The following FKBP8 variants were observed in gnomAD, a reference collection of about 807,000 sequenced individuals.
FKBP8 encodes the protein peptidyl-prolyl cis-trans isomerase FKBP8.
FKBP8 carries 5 observed loss-of-function variants against 41.7 expected under a neutral mutation model. The ratio of observed to expected loss-of-function variants is 0.12; its 90% CI spans 0.06 to 0.25. FKBP8 has a LOEUF of 0.25. Among genes scored for constraint, FKBP8 ranks in the 10% least tolerant of loss-of-function variants. The probability of loss-of-function intolerance (pLI) is 1.00; values close to 1 mark genes in which losing one functional copy is unlikely to be tolerated. For synonymous variants in FKBP8, 279 were observed against 254.5 expected, an observed-to-expected ratio of 1.10 and a Z score of -0.92; for missense variants, 397 against 563.0, an observed-to-expected ratio of 0.71 and a Z score of 2.98.
At chr19:18,532,880 T>G (rs752645347) in intron 7 of FKBP8, 85 bp from the exon 8 acceptor site, 366 of 1,558,720 alleles carry the variant, frequency 2.3e-4, no homozygotes, top group Non-Finnish European at 3.0e-4. Flanking sequence ...CTAGGCTGTT[T>G]GGGTGGTGGG....
chr19:18,536,308 G>C (rs1457716836), intron 6 of FKBP8: 1 of 152,168 alleles, frequency 6.6e-6, no homozygotes, highest in East Asian at 1.9e-4. Context: ...TGAAGGTCAA[G>C]TCTGTGCAAG....
In FKBP8 at chr19:18,539,576, G is replaced by C; in HGVS notation, c.437C>G (p.Thr146Ser). The change falls in exon 3 of 9, where the codon ACT becomes AGT. Residue 146 changes from threonine to serine, a missense_variant. Thr to Ser is a moderately conservative substitution (Grantham distance 58). This residue lies in a region of FKBP8 where 172 missense variants were observed against 196.2 expected (regional missense o/e 0.88). Transcript: ENST00000608443. The part of the protein sequence containing the change: ...RVQEEPELVF[T>S]LGDCDVIQAL... ...CTGGATGACGTCACAGTCACCCAGAGTGAACACCAGCTCCGGCTCCTCCTG... is the reference window on the plus strand; with the variant it reads ...CTGGATGACGTCACAGTCACCCAGACTGAACACCAGCTCCGGCTCCTCCTG... 1 of 1,613,268 alleles carries C rather than the reference G, an allele frequency of 6.2e-7. No individual in the cohort carries two copies. The highest frequency in any genetic ancestry group is 8.5e-7 in the Non-Finnish European group (1 of 1,180,028).
At position 18,533,320 on chromosome 19, in the gene FKBP8, C is replaced by T. The variant is rs1007979517; in HGVS notation, c.973G>A (p.Glu325Lys). The change falls in exon 7 of 9, where the codon GAG (glutamate) becomes AAG (lysine). Residue 325 changes from glutamate (E) to lysine (K), a missense_variant. Physicochemically the swap from Glu to Lys is moderately conservative, Grantham distance 56 (BLOSUM62 1). Coordinates refer to ENST00000608443, the MANE Select transcript of FKBP8 (RefSeq NM_012181.5). ...KVLAQQGEYS[E>K]AIPILRAALK... ...GCTGCCCTCAGGATGGGGATGGCCT[C>T]ACTGTACTCCCCCTGCTGGGCCAGC... 1 of 1,606,530 alleles carries T rather than the reference C, an allele frequency of 6.2e-7. No individual in the cohort carries two copies. Among genetic ancestry groups the T allele is most frequent in the Non-Finnish European group, 8.5e-7 (1 of 1,176,738 alleles).
At position 18,532,723 on chromosome 19, in the gene FKBP8, G is replaced by T; in HGVS notation, c.1096C>A (p.Arg366=). The part of the protein sequence containing the change: ...AQRSTETALY[R]KMLGNPSRLP... ...CGGCTGGGGTTGCCCAGCATTTTCCGGTACAAGGCGGTCTCCGTGCTCCGC... is the reference window on the plus strand; with the variant it reads ...CGGCTGGGGTTGCCCAGCATTTTCCTGTACAAGGCGGTCTCCGTGCTCCGC... The change falls in exon 8 of 9, where the codon CGG becomes AGG. Residue 366 remains arginine, a synonymous_variant. Coordinates refer to ENST00000608443, the MANE Select transcript of FKBP8 (RefSeq NM_012181.5). 6.2e-7 allele frequency: 1 copy of T among 1,614,134 alleles called. No homozygotes were observed. Among genetic ancestry groups the T allele is most frequent in the Non-Finnish European group, 8.5e-7 (1 of 1,180,038 alleles).
chr19:18,536,700 G>A (rs948405120), intron 6 of FKBP8, among the ~76,000 whole-genome samples: 3 of 152,192 alleles, frequency 2.0e-5, no homozygotes, highest in Admixed American at 6.5e-5. Flanking sequence ...TATGTACCTG[G>A]CCCTGTTTGC....
intron 6 of FKBP8, among the ~76,000 whole-genome samples, chr19:18,534,537 C>A (rs943901879): frequency 3.9e-5 from 6 of 152,198 alleles, no homozygotes; most frequent in Admixed American, 3.9e-4. Context: ...CTCACCACCT[C>A]CACTGGCGAG....
Position 18,541,670 on chromosome 19 carries a change from G to A in FKBP8, c.292+9C>T. On this transcript the variant is annotated intron_variant, in intron 2 of 8. Coordinates refer to ENST00000608443, the MANE Select transcript of FKBP8 (RefSeq NM_012181.5). ...GCCAAGGGCACCCTGATCCACCTTT[G>A]CTCCTTACCCAGAATGTCCAGCCAC... 6.3e-7 allele frequency: 1 copy of A among 1,596,820 alleles called. No homozygotes were observed. The highest frequency in any genetic ancestry group is 8.5e-7 in the Non-Finnish European group (1 of 1,169,718).
rs373634274 is a variant in FKBP8, at chr19:18,538,271, G to A, written c.717C>T (p.Val239=). The A allele has an allele frequency of 2.5e-6, 4 of 1,613,334 alleles. No homozygotes were observed. Among genetic ancestry groups the A allele is most frequent in the South Asian group, 2.2e-5 (2 of 91,032 alleles). The change falls in exon 5 of 9, where the codon GTC becomes GTT. Residue 239 remains valine (V), a synonymous_variant. Transcript: ENST00000608443. This position sits in a 1 kb window ranked among gnomAD's most constrained non-coding sequence, Gnocchi z 4.0. ...CGAGGTCGTAGGAGTTGGCGGCCAG[G>A]ACGAAGTCCGCCCGCTGGTAGTGGG... ...GNAHYQRADF[V]LAANSYDLAI... is the part of the protein sequence containing the mutation.
At chr19:18,535,261 A>C (rs1306477224) in intron 6 of FKBP8, among the ~76,000 whole-genome samples, 3 of 151,782 alleles carry the variant, frequency 2.0e-5, no homozygotes, top group African/African-American at 7.3e-5. Flanking sequence ...GGGTCTCACT[A>C]TGCTGCCAAG....
intron 8 of FKBP8, 95 bp downstream of exon 8, chr19:18,532,569 G>T (rs537959722): frequency 1.3e-6 from 2 of 1,532,606 alleles, no homozygotes; most frequent in African/African-American, 2.7e-5. Context: ...GCCCAGGACG[G>T]CCCAGTCTCC....
At chr19:18,542,080 C>G (rs1976715992) in intron 1 of FKBP8, 85 bp from the exon 2 acceptor site, 1 of 1,488,940 alleles carries the variant, frequency 6.7e-7, no homozygotes, top group Admixed American at 2.2e-5. Context: ...CACTGCCGAT[C>G]ACTTTCTGTG....
At chr19:18,539,100 C>A (rs1976644700) in intron 4 of FKBP8, among the ~76,000 whole-genome samples, 1 of 152,150 alleles carries the variant, frequency 6.6e-6, no homozygotes, top group African/African-American at 2.4e-5. Flanking sequence ...AGGCGTAAGC[C>A]ACCACGCCCG....
At chr19:18,533,711 G>GA (rs924010663) in intron 6 of FKBP8, among the ~76,000 whole-genome samples, 96 of 133,098 alleles carry the variant, frequency 7.2e-4, no homozygotes, top group Middle Eastern at 3.9e-3. Flanking sequence ...CTTAAAAAAA[G>GA]AAAAAAAAAA....
At position 18,535,991 on chromosome 19, in the gene FKBP8, C is replaced by A. The variant is rs183677866; in HGVS notation, c.945+1610G>T. The A allele has an allele frequency of 4.6e-5, 7 of 151,970 alleles. No individual in the cohort carries two copies. In the East Asian group the frequency reaches 1.4e-3, roughly 30 times the overall value. 9.4% of individuals were successfully genotyped at this position (151,970 alleles called of 1,614,324 possible). A position where few individuals can be genotyped will look rare whatever the true frequency, so the allele number is the denominator to read the frequency against. ...TTTCTATCACCTTCAACCAGCAGGT[C>A]CAAACTTGTATGAAGCTACACAAGC... On this transcript the variant is annotated intron_variant, in intron 6 of 8. Transcript: ENST00000608443.
At chr19:18,541,405 G>A (rs1039427280) in intron 2 of FKBP8, among the ~76,000 whole-genome samples, 14 of 152,352 alleles carry the variant, frequency 9.2e-5, no homozygotes, top group African/African-American at 1.4e-4. Flanking sequence ...AGCTGCCAGC[G>A]CCTGGCGTGC....
chr19:18,538,346 C>G lies in FKBP8; in HGVS notation c.642G>C (p.Thr214=). The G allele has an allele frequency of 6.2e-7, 1 of 1,613,622 alleles. No individual in the cohort carries two copies. The highest frequency in any genetic ancestry group is 8.5e-7 in the Non-Finnish European group (1 of 1,179,944). Reference sequence around the variant, plus strand: ...TGGCCAGGGCCACGCGCTCCTGCCCCGTGAGCATCTCCAGGTCAGGCCCGT... The same window carrying G: ...TGGCCAGGGCCACGCGCTCCTGCCCGGTGAGCATCTCCAGGTCAGGCCCGT... ...AVDGPDLEML[T]GQERVALANR... is the part of the protein sequence containing the mutation. The change falls in exon 5 of 9, where the codon ACG becomes ACC. Residue 214 remains threonine (T), a synonymous_variant. Coordinates refer to ENST00000608443, the MANE Select transcript of FKBP8 (RefSeq NM_012181.5). The surrounding 1 kb of genome is among the most constrained non-coding windows in gnomAD (Gnocchi z 4.0).
intron 2 of FKBP8, among the ~76,000 whole-genome samples, 166 bp downstream of exon 2, chr19:18,541,513 A>G (rs190061425): frequency 6.6e-6 from 1 of 152,310 alleles, no homozygotes; most frequent in African/African-American, 2.4e-5. Context: ...TGTGTGAGTC[A>G]GTGGATAGAG....
chr19:18,532,999 G>A (rs1293978359), intron 7 of FKBP8: 8 of 859,836 alleles, frequency 9.3e-6, no homozygotes, highest in South Asian at 1.8e-5. Flanking sequence ...GCACAAGGTA[G>A]CCAGGAGACA....
intron 6 of FKBP8, chr19:18,536,147 C>A (rs887908984): frequency 1.3e-5 from 2 of 152,032 alleles, no homozygotes; most frequent in Non-Finnish European, 2.9e-5. Context: ...CTTAATAAAT[C>A]CCAGCTGGAG....
Sources: allele counts gnomAD v4.1 joint callset (sites outside exome capture counted in the v4.1 genomes callset), GRCh38; gene constraint gnomAD v4.1.1; regional missense constraint gnomAD v4.1.1; non-coding constraint Gnocchi (gnomAD v3.1); transcripts MANE v1.5; gene names NCBI Gene and HGNC (gene_info 2026-07-23, HGNC 2026-07-21).